ZNF613: variants seen among roughly 807,000 people sequenced by gnomAD.
The protein encoded by ZNF613 is zinc finger protein 613.
In ZNF613, 8 loss-of-function variants were observed where a neutral mutation model predicts 14.3. The observed-to-expected ratio is 0.56, with a 90% CI of 0.33 to 1.01. The LOEUF (loss-of-function observed/expected upper bound fraction) is 1.01. Among genes scored for constraint, ZNF613 ranks in the 50% least tolerant of loss-of-function variants. The pLI is 0.03. For missense variants in ZNF613, 656 were observed against 741.9 expected, an observed-to-expected ratio of 0.88 and a Z score of 1.35; for synonymous variants, 228 against 254.5, an observed-to-expected ratio of 0.90 and a Z score of 0.99.
At chr19:51,940,428 C>G (rs1378660108) in intron 4 of ZNF613, 93 bp downstream of exon 4, 2 of 1,600,630 alleles carry the variant, frequency 1.2e-6, no homozygotes, top group South Asian at 1.1e-5. Flanking sequence ...CTGTGGTGCT[C>G]TGAAGTGGTA....
rs1344406178 is a variant in ZNF613, at chr19:51,946,590, C to T, written c.*853C>T. ...GTGTTTAACTTTATAAATAATCACC[C>T]CAGAGGAATGAAGTTCAAAACTTGT... On this transcript the variant is annotated 3_prime_UTR_variant, in exon 6 of 6. Transcript: ENST00000293471. 1 of 152,134 alleles carries T rather than the reference C, an allele frequency of 6.6e-6. No individual in the cohort carries two copies. Among genetic ancestry groups the T allele is most frequent in the East Asian group, 1.9e-4 (1 of 5,198 alleles). 9.4% of individuals were successfully genotyped at this position (152,134 alleles called of 1,614,324 possible).
At chr19:51,934,381 G>T (rs2085290392) in intron 2 of ZNF613, among the ~76,000 whole-genome samples, 1 of 152,068 alleles carries the variant, frequency 6.6e-6, no homozygotes, top group South Asian at 2.1e-4. Flanking sequence ...TGCACCTTCA[G>T]TGATATCCTC....
intron 5 of ZNF613, among the ~76,000 whole-genome samples, chr19:51,943,369 A>G (rs116426393): frequency 0.016 from 2,483 of 152,350 alleles, 68 homozygotes; most frequent in African/African-American, 0.057. Context: ...TCCAAGGAGC[A>G]TGAAATCTTG....
At chr19:51,940,762 A>C (rs2122820967) in intron 5 of ZNF613, 53 bp downstream of exon 5, 1 of 1,500,126 alleles carries the variant, frequency 6.7e-7, no homozygotes, top group South Asian at 1.2e-5. Context: ...GTCACATGAT[A>C]GTTGTTCAGC....
In ZNF613 at chr19:51,942,977, G is replaced by A. The variant is rs147594247; in HGVS notation, c.236-1142G>A. Among the ~76,000 whole-genome samples, 742 of 152,292 alleles carry A rather than the reference G, an allele frequency of 4.9e-3. 3 individuals carry two copies. Among genetic ancestry groups the A allele is most frequent in the Non-Finnish European group, 5.0e-3 (341 of 68,028 alleles). ...CTCCCAAAGTGCTGGGATTACAGGCGTGAGCCACTGCATCCGGCCATGACT... is the reference window on the plus strand; with the variant it reads ...CTCCCAAAGTGCTGGGATTACAGGCATGAGCCACTGCATCCGGCCATGACT... On this transcript the variant is annotated intron_variant, in intron 5 of 5. Transcript: ENST00000293471.
At chr19:51,940,095 C>A in intron 3 of ZNF613, 114 bp from the exon 4 acceptor site, 1 of 1,340,150 alleles carries the variant, frequency 7.5e-7, no homozygotes, top group Non-Finnish European at 1.0e-6. Context: ...AATCACAGCA[C>A]CTAGATATAT....
At chr19:51,938,986 A>G (rs2085326996) in intron 3 of ZNF613, among the ~76,000 whole-genome samples, 1 of 151,556 alleles carries the variant, frequency 6.6e-6, no homozygotes, top group Non-Finnish European at 1.5e-5. Context: ...ATATATATGT[A>G]TATATATTTA....
intron 5 of ZNF613, among the ~76,000 whole-genome samples, chr19:51,943,632 T>C (rs1010134168): frequency 5.3e-5 from 8 of 152,346 alleles, no homozygotes; most frequent in African/African-American, 1.4e-4. Context: ...TGTGCCTAGT[T>C]TGTAAACTTT....
chr19:51,940,858 G>A lies in ZNF613; in HGVS notation c.235+149G>A, dbSNP rs11882411. On this transcript the variant is annotated intron_variant, in intron 5 of 5. Coordinates refer to ENST00000293471, the MANE Select transcript of ZNF613 (RefSeq NM_001031721.4). ...CCCACACAAAAGCTCTTTCTCCTTC[G>A]GGTATTTAGAGGAACATCTGCTTCG... 1.7e-4 allele frequency: 74 copies of A among 439,212 alleles called. No individual in the cohort carries two copies. The highest frequency in any genetic ancestry group is 2.6e-4 in the Non-Finnish European group (65 of 251,740). The allele number at this position is 439,212 out of a possible 1,614,324, so 27.2% of individuals were successfully genotyped here.
chr19:51,937,746 T>C (rs1202888900), intron 3 of ZNF613, among the ~76,000 whole-genome samples: 3 of 123,240 alleles, frequency 2.4e-5, no homozygotes, highest in African/African-American at 3.7e-5. Flanking sequence ...TTTTTTTTTT[T>C]TGAGATAGAG....
At position 51,940,287 on chromosome 19, in the gene ZNF613, C is replaced by G; in HGVS notation, c.94C>G (p.Leu32Val). 6.2e-7 allele frequency: 1 copy of G among 1,613,750 alleles called. No homozygotes were observed. Among genetic ancestry groups the G allele is most frequent in the Non-Finnish European group, 8.5e-7 (1 of 1,179,810 alleles). ...WQLLGPAQKD[L>V]YRDVMLENYS... Reference sequence around the variant, plus strand: ...GCTCCTCGGCCCTGCTCAGAAGGACCTGTACCGAGACGTGATGTTGGAGAA... The same window carrying G: ...GCTCCTCGGCCCTGCTCAGAAGGACGTGTACCGAGACGTGATGTTGGAGAA... Residue 32 changes from leucine to valine, a missense_variant, in exon 4 of 6, where the codon CTG becomes GTG. Leu to Val is a conservative substitution (Grantham distance 32, BLOSUM62 1). Transcript: ENST00000293471.
intron 3 of ZNF613, among the ~76,000 whole-genome samples, chr19:51,939,916 A>C (rs950111974): frequency 6.6e-6 from 1 of 151,944 alleles, no homozygotes; most frequent in East Asian, 1.9e-4. Flanking sequence ...TGCTCAAAAA[A>C]AAAAAGAGGA....
chr19:51,936,739 C>A (rs2085308152), intron 3 of ZNF613, among the ~76,000 whole-genome samples: 1 of 152,174 alleles, frequency 6.6e-6, no homozygotes. Context: ...TCTCCCTTGG[C>A]CTCCCAAAGT....
In ZNF613 at chr19:51,944,837, C is replaced by T; in HGVS notation, c.954C>T (p.Cys318=). ...RVHTGEKPHG[C]SLCGKAFSKR... Reference sequence around the variant, plus strand: ...ATACAGGAGAGAAACCACATGGATGCAGCCTGTGTGGGAAGGCCTTCTCCA... The same window carrying T: ...ATACAGGAGAGAAACCACATGGATGTAGCCTGTGTGGGAAGGCCTTCTCCA... Residue 318 remains cysteine (C), a synonymous_variant, in exon 6 of 6, where the codon TGC becomes TGT. Transcript: ENST00000293471. 6.2e-7 allele frequency: 1 copy of T among 1,613,838 alleles called. No homozygotes were observed. Among genetic ancestry groups the T allele is most frequent in the East Asian group, 2.2e-5 (1 of 44,882 alleles).
chr19:51,927,890 C>A (rs2085228114), intron 1 of ZNF613: 1 of 152,104 alleles, frequency 6.6e-6, no homozygotes, highest in African/African-American at 2.4e-5. Context: ...CGCTCTGTCA[C>A]ACAGGCTTGA....
Position 51,944,125 on chromosome 19 carries a change from A to G in ZNF613, c.242A>G (p.Lys81Arg), listed in dbSNP as rs757531903. 3 of 1,524,984 alleles carry G rather than the reference A, an allele frequency of 2.0e-6. No homozygotes were observed. Among genetic ancestry groups the G allele is most frequent in the Non-Finnish European group, 1.8e-6 (2 of 1,138,574 alleles). The allele number at this position is 1,524,984 out of a possible 1,614,324, so 94.5% of individuals were successfully genotyped here. A position where few individuals can be genotyped will look rare whatever the true frequency, so the allele number is the denominator to read the frequency against. Residue 81 changes from lysine (K) to arginine (R), a missense_variant, in exon 6 of 6, where the codon AAG becomes AGG. Transcript: ENST00000293471. Reference sequence around the variant, plus strand: ...TTGTTCTCTTCTTTCCTAGAAATCAAGAAAGTTGACAATCATCTACAGATG... The same window carrying G: ...TTGTTCTCTTCTTTCCTAGAAATCAGGAAAGTTGACAATCATCTACAGATG... ...EIHSQICPEI[K>R]KVDNHLQMHS...
At position 51,944,944 on chromosome 19, in the gene ZNF613, G is replaced by C; in HGVS notation, c.1061G>C (p.Arg354Pro). Reference protein sequence around the residue: ...YECTECDKAFRWKSQLNAHQK... With the variant: ...YECTECDKAFPWKSQLNAHQK... ...TGCACTGAATGTGACAAAGCATTCC[G>C]CTGGAAATCACAGCTCAATGCACAT... The change falls in exon 6 of 6, where the codon CGC becomes CCC. Residue 354 changes from arginine to proline, a missense_variant. Arg to Pro is a moderately radical substitution (Grantham distance 103). Coordinates refer to ENST00000293471, the MANE Select transcript of ZNF613 (RefSeq NM_001031721.4). 3.1e-6 allele frequency: 5 copies of C among 1,614,042 alleles called. No individual in the cohort carries two copies. Among genetic ancestry groups the C allele is most frequent in the Non-Finnish European group, 4.2e-6 (5 of 1,180,024 alleles).
intron 2 of ZNF613, among the ~76,000 whole-genome samples, chr19:51,933,673 G>A (rs575253633): frequency 9.8e-5 from 15 of 152,316 alleles, no homozygotes; most frequent in African/African-American, 2.9e-4. Flanking sequence ...AGGTTCCCAC[G>A]TTGGGAATGT....
chr19:51,943,773 A>G (rs1378961107), intron 5 of ZNF613, among the ~76,000 whole-genome samples: 1 of 143,578 alleles, frequency 7.0e-6, no homozygotes, highest in African/African-American at 2.7e-5. Context: ...GGATTACTGT[A>G]TATTTATAAA....
Sources: gnomAD v4.1 joint callset for allele counts (sites outside exome capture counted in the v4.1 genomes callset) on GRCh38, gnomAD v4.1.1 for gene constraint, MANE v1.5 for transcripts, NCBI Gene and HGNC (gene_info 2026-07-23, HGNC 2026-07-21) for gene names.